The following ADCY8 variants were observed in gnomAD, a reference collection of about 807,000 sequenced individuals.
ADCY8 encodes the protein adenylate cyclase type 8.
In ADCY8, 51 loss-of-function variants were observed where a neutral mutation model predicts 119.7. That is an observed-to-expected ratio of 0.43 (90% CI 0.34 to 0.54). The LOEUF is 0.54. Among genes scored for constraint, ADCY8 ranks in the 20% least tolerant of loss-of-function variants. ADCY8 has a pLI of 0.03. For synonymous variants in ADCY8, 665 were observed against 651.0 expected, an observed-to-expected ratio of 1.02 and a Z score of -0.33; for missense variants, 1,383 against 1,598.8, an observed-to-expected ratio of 0.87 and a Z score of 2.30.
chr8:130,940,127 G>A (rs769468284), intron 4 of ADCY8, among the ~76,000 whole-genome samples: 3 of 152,208 alleles, frequency 2.0e-5, no homozygotes, highest in Non-Finnish European at 4.4e-5. Context: ...TCAGTCTTCA[G>A]GACCACTTTC....
intron 1 of ADCY8, among the ~76,000 whole-genome samples, chr8:130,993,483 G>T (rs541117120): frequency 2.0e-5 from 3 of 152,290 alleles, no homozygotes; most frequent in East Asian, 1.9e-4. Context: ...GATATGGTTT[G>T]GCTGTGTCCC....
chr8:130,984,285 A>G (rs1372580048), intron 2 of ADCY8, among the ~76,000 whole-genome samples: 1 of 152,186 alleles, frequency 6.6e-6, no homozygotes, highest in Non-Finnish European at 1.5e-5. Context: ...GGGAGGAAGC[A>G]CATTCTTACC....
chr8:131,005,694 T>C (rs958800888), intron 1 of ADCY8, among the ~76,000 whole-genome samples: 1 of 152,142 alleles, frequency 6.6e-6, no homozygotes, highest in Non-Finnish European at 1.5e-5. Flanking sequence ...TCTGGGGCAA[T>C]TGCTTATCCT....
intron 4 of ADCY8, among the ~76,000 whole-genome samples, chr8:130,942,022 A>C (rs1820970895): frequency 6.6e-6 from 1 of 152,172 alleles, no homozygotes; most frequent in South Asian, 2.1e-4. Context: ...TAAATCAGCT[A>C]TGTAATCCCC....
intron 4 of ADCY8, among the ~76,000 whole-genome samples, chr8:130,937,551 C>T (rs1199894683): frequency 6.6e-6 from 1 of 152,176 alleles, no homozygotes; most frequent in African/African-American, 2.4e-5. Context: ...CAGCCCCAAG[C>T]AATGTCTCTC....
intron 11 of ADCY8, among the ~76,000 whole-genome samples, chr8:130,838,516 C>T (rs1183268433): frequency 7.0e-6 from 1 of 142,614 alleles, no homozygotes; most frequent in Non-Finnish European, 1.6e-5. Flanking sequence ...AACTCTAAGG[C>T]CCTCCAGTTT....
rs551795510 is a variant in ADCY8, at chr8:130,834,745, A to C, written c.2675+1532T>G. ...ATCTAGAAAGATAATATTACATCAC[A>C]ACAAAATAGTAAATATTATAAATAA... On this transcript the variant is annotated intron_variant, in intron 12 of 17. Transcript: ENST00000286355. Among the ~76,000 whole-genome samples, 7 of 152,340 alleles carry C rather than the reference A, an allele frequency of 4.6e-5. No homozygotes were observed. In the South Asian group the frequency reaches 1.0e-3, roughly 23 times the overall value.
intron 1 of ADCY8, among the ~76,000 whole-genome samples, chr8:131,001,753 C>G (rs1376665404): frequency 6.6e-6 from 1 of 151,758 alleles, no homozygotes; most frequent in Non-Finnish European, 1.5e-5. Context: ...TAATTTTTTT[C>G]TATTTTATTT....
At chr8:130,971,926 C>T (rs7837610) in intron 2 of ADCY8, among the ~76,000 whole-genome samples, 2,642 of 152,282 alleles carry the variant, frequency 0.017, 80 homozygotes, top group African/African-American at 0.059. Flanking sequence ...TTGAAAGCTA[C>T]TGGGGGCTAC....
At chr8:130,783,869 G>C in intron 16 of ADCY8, 64 bp from the exon 17 acceptor site, 1 of 1,333,678 alleles carries the variant, frequency 7.5e-7, no homozygotes, top group Non-Finnish European at 1.1e-6. Flanking sequence ...TAACATTTCT[G>C]CAGCAGGGGC....
At chr8:130,975,321 C>T (rs1345003053) in intron 2 of ADCY8, among the ~76,000 whole-genome samples, 1 of 152,210 alleles carries the variant, frequency 6.6e-6, no homozygotes, top group African/African-American at 2.4e-5. Flanking sequence ...GTACTTGACT[C>T]TGTTTGACTA....
intron 12 of ADCY8, among the ~76,000 whole-genome samples, chr8:130,824,373 T>A (rs263263): frequency 0.84 from 128,197 of 152,128 alleles, 54,344 homozygotes; most frequent in African/African-American, 0.93. Context: ...CAAGACTGAG[T>A]TGTTAAAAAA....
At chr8:131,038,398 T>G (rs1321174041) in intron 1 of ADCY8, among the ~76,000 whole-genome samples, 1 of 152,222 alleles carries the variant, frequency 6.6e-6, no homozygotes, top group Non-Finnish European at 1.5e-5. Flanking sequence ...TCCCTCATTT[T>G]TGAGAAACCC....
In ADCY8 at chr8:130,780,646, G is replaced by GT; in HGVS notation, c.3499dup (p.Thr1167AsnfsTer39). 6.2e-7 allele frequency: 1 copy of GT among 1,614,180 alleles called. No homozygotes were observed. The highest frequency in any genetic ancestry group is 2.2e-5 in the East Asian group (1 of 44,872). On this transcript the variant is annotated frameshift_variant, in exon 18 of 18. Coordinates refer to ENST00000286355, the MANE Select transcript of ADCY8 (RefSeq NM_001115.3). LOFTEE classifies it high-confidence loss of function. ...TTGGACTCTTCCCAGAAGAAAGTAC[G>GT]TTTTGATTTTTCCTTCCTGTTCACT...
At chr8:130,881,317 C>T (rs1818761228) in intron 8 of ADCY8, among the ~76,000 whole-genome samples, 1 of 152,088 alleles carries the variant, frequency 6.6e-6, no homozygotes, top group Non-Finnish European at 1.5e-5. Flanking sequence ...GATAGGCACG[C>T]CAATTATTAT....
At chr8:130,847,666 G>T (rs1817376235) in intron 10 of ADCY8, among the ~76,000 whole-genome samples, 153 bp from the exon 11 acceptor site, 1 of 152,182 alleles carries the variant, frequency 6.6e-6, no homozygotes, top group African/African-American at 2.4e-5. Context: ...CTTGAAGTCA[G>T]AATGGAAGTG....
At chr8:131,000,896 C>G (rs181851265) in intron 1 of ADCY8, among the ~76,000 whole-genome samples, 1 of 151,964 alleles carries the variant, frequency 6.6e-6, no homozygotes, top group African/African-American at 2.4e-5. Context: ...TCTAGAAGAC[C>G]AGGTTGGCTT....
intron 4 of ADCY8, 145 bp from the exon 5 acceptor site, chr8:130,937,345 C>T: frequency 1.2e-6 from 1 of 830,900 alleles, no homozygotes; most frequent in Non-Finnish European, 1.8e-6. Flanking sequence ...TTCTACCTGT[C>T]TTTCTAAAAT....
At chr8:130,823,928 A>G (rs1488711394) in intron 12 of ADCY8, among the ~76,000 whole-genome samples, 2 of 152,330 alleles carry the variant, frequency 1.3e-5, no homozygotes, top group East Asian at 3.9e-4. Context: ...ATTTCAAGTA[A>G]TTAAGTACCT....
Sources: allele counts gnomAD v4.1 joint callset (sites outside exome capture counted in the v4.1 genomes callset), GRCh38; gene constraint gnomAD v4.1.1; transcripts MANE v1.5; gene names NCBI Gene and HGNC (gene_info 2026-07-23, HGNC 2026-07-21).